GADL1: variants seen among roughly 807,000 people sequenced by gnomAD.
The protein encoded by GADL1 is acidic amino acid decarboxylase GADL1.
GADL1 carries 71 observed loss-of-function variants against 69.5 expected under a neutral mutation model. The ratio of observed to expected loss-of-function variants is 1.02; its 90% confidence interval spans 0.84 to 1.25. The LOEUF (loss-of-function observed/expected upper bound fraction) is 1.25. GADL1 is among the 50% of genes most tolerant of loss of function. The pLI is 0.00. For synonymous variants in GADL1, 254 were observed against 214.4 expected (o/e 1.18, Z -1.62); for missense variants, 737 against 631.8 (o/e 1.17, Z -1.79).
chr3:30,786,363 G>A lies in GADL1; in HGVS notation c.1294C>T (p.Leu432=). The A allele has an allele frequency of 6.4e-7, 1 of 1,558,024 alleles. No homozygotes were observed. The highest frequency in any genetic ancestry group is 8.8e-7 in the Non-Finnish European group (1 of 1,130,240). Residue 432 remains leucine (L), a synonymous_variant, in exon 13 of 15, where the codon CTG becomes TTG. Coordinates refer to ENST00000282538, the MANE Select transcript of GADL1 (RefSeq NM_207359.3). Reference sequence around the variant, plus strand: ...ATTATGCAATCACTTACTTCCATCAGTAACTTGAATCCTTCTCTTTTCTTG... The same window carrying A: ...ATTATGCAATCACTTACTTCCATCAATAACTTGAATCCTTCTCTTTTCTTG... ...EIKKREGFKL[L]MEPEYANICF...
chr3:30,812,091 A>G (rs1376202679), intron 11 of GADL1, among the ~76,000 whole-genome samples: 1 of 152,222 alleles, frequency 6.6e-6, no homozygotes, highest in Non-Finnish European at 1.5e-5. Context: ...TTTTGCTACT[A>G]GTACCCATTA....
At chr3:30,850,228 G>T in intron 5 of GADL1, 117 bp from the exon 6 acceptor site, 2 of 667,366 alleles carry the variant, frequency 3.0e-6, no homozygotes, top group Non-Finnish European at 5.3e-6. Flanking sequence ...AAAAATCACC[G>T]TGAAAAGCAC....
chr3:30,792,806 T>G (rs1405070535), intron 12 of GADL1, among the ~76,000 whole-genome samples: 1 of 152,064 alleles, frequency 6.6e-6, no homozygotes, highest in Admixed American at 6.6e-5. Context: ...TCTATTTAGG[T>G]AAGAATATTT....
chr3:30,841,079 A>G (rs531776441), intron 8 of GADL1, among the ~76,000 whole-genome samples: 1 of 152,206 alleles, frequency 6.6e-6, no homozygotes, highest in Non-Finnish European at 1.5e-5. Context: ...CAGAAAAAAT[A>G]GTTGATGGTA....
intron 11 of GADL1, among the ~76,000 whole-genome samples, chr3:30,821,845 T>C (rs1380921737): frequency 6.6e-6 from 1 of 151,994 alleles, no homozygotes; most frequent in Non-Finnish European, 1.5e-5. Context: ...GCTGTTTGAT[T>C]CAATGAATGG....
chr3:30,755,003 C>A (rs1421401045), intron 14 of GADL1, among the ~76,000 whole-genome samples: 1 of 152,128 alleles, frequency 6.6e-6, no homozygotes, highest in Non-Finnish European at 1.5e-5. Flanking sequence ...GCATTTTCAG[C>A]ATCTCTGAAA....
chr3:30,808,612 A>T (rs1697298458), intron 11 of GADL1, among the ~76,000 whole-genome samples: 1 of 152,176 alleles, frequency 6.6e-6, no homozygotes, highest in Non-Finnish European at 1.5e-5. Context: ...AAACCAGCAG[A>T]CTATTTGGAT....
intron 2 of GADL1, among the ~76,000 whole-genome samples, chr3:30,857,995 C>T (rs1698256116): frequency 6.6e-6 from 1 of 152,024 alleles, no homozygotes; most frequent in Non-Finnish European, 1.5e-5. Context: ...TCAACAACAG[C>T]AATCCTGACT....
At chr3:30,859,199 G>A (rs1323570834) in intron 2 of GADL1, among the ~76,000 whole-genome samples, 1 of 151,836 alleles carries the variant, frequency 6.6e-6, no homozygotes, top group Admixed American at 6.6e-5. Context: ...GAGAGAGATA[G>A]GGAAGTAGCC....
intron 14 of GADL1, among the ~76,000 whole-genome samples, chr3:30,737,686 C>T (rs1695559150): frequency 6.6e-6 from 1 of 151,994 alleles, no homozygotes; most frequent in African/African-American, 2.4e-5. Flanking sequence ...CATGTGCATC[C>T]AAGAGATCAT....
At chr3:30,777,342 C>A (rs1427854610) in intron 14 of GADL1, among the ~76,000 whole-genome samples, 1 of 152,166 alleles carries the variant, frequency 6.6e-6, no homozygotes, top group Admixed American at 6.5e-5. Context: ...GCTGTGCTGA[C>A]TTGATCCCAC....
intron 14 of GADL1, among the ~76,000 whole-genome samples, chr3:30,740,861 G>T (rs1695605782): frequency 6.8e-6 from 1 of 146,510 alleles, no homozygotes; most frequent in African/African-American, 2.5e-5. Context: ...TTTGTTTTTA[G>T]TTATTTCCTG....
intron 14 of GADL1, among the ~76,000 whole-genome samples, chr3:30,753,610 G>GTTC (rs144741541): frequency 6.8e-6 from 1 of 147,316 alleles, no homozygotes; most frequent in Non-Finnish European, 1.5e-5. Context: ...AAGATAACTT[G>GTTC]TTTTCTTACA....
chr3:30,777,886 C>T (rs969221361), intron 14 of GADL1, among the ~76,000 whole-genome samples: 2 of 152,190 alleles, frequency 1.3e-5, no homozygotes, highest in Non-Finnish European at 2.9e-5. Context: ...TCATTCATCA[C>T]ACAACTTTAA....
intron 14 of GADL1, among the ~76,000 whole-genome samples, chr3:30,775,978 G>A (rs1022679064): frequency 1.3e-5 from 2 of 152,090 alleles, no homozygotes; most frequent in Non-Finnish European, 2.9e-5. Flanking sequence ...ACAGCTACTC[G>A]GGAGACTAGG....
intron 14 of GADL1, among the ~76,000 whole-genome samples, chr3:30,757,495 C>T (rs531979440): frequency 6.6e-6 from 1 of 152,342 alleles, no homozygotes; most frequent in East Asian, 1.9e-4. Context: ...TATATCCTTG[C>T]TCACAGAACT....
chr3:30,816,400 A>G (rs180976514), intron 11 of GADL1, among the ~76,000 whole-genome samples: 2 of 151,956 alleles, frequency 1.3e-5, no homozygotes, highest in Admixed American at 1.3e-4. Context: ...AAATCCCTCC[A>G]TATGTGATCT....
intron 14 of GADL1, among the ~76,000 whole-genome samples, chr3:30,775,952 G>A (rs934990007): frequency 5.9e-5 from 9 of 152,120 alleles, no homozygotes; most frequent in Admixed American, 5.2e-4. Flanking sequence ...AAGCATGATG[G>A]TGGGTGCCTG....
chr3:30,838,156 A>G (rs1211718568), intron 9 of GADL1, among the ~76,000 whole-genome samples: 1 of 152,142 alleles, frequency 6.6e-6, no homozygotes, highest in Non-Finnish European at 1.5e-5. Context: ...ATCTGAAACT[A>G]TCACTTACCA....
Sources: allele counts gnomAD v4.1 joint callset (sites outside exome capture counted in the v4.1 genomes callset), GRCh38; gene constraint gnomAD v4.1.1; transcripts MANE v1.5; gene names NCBI Gene and HGNC (gene_info 2026-07-23, HGNC 2026-07-21).